The following BFSP1 variants were observed in gnomAD, a reference collection of about 807,000 sequenced individuals.
The protein encoded by BFSP1 is filensin.
BFSP1 carries 38 observed loss-of-function variants against 43.9 expected under a neutral mutation model. The ratio of observed to expected loss-of-function variants is 0.87; its 90% CI spans 0.67 to 1.14. BFSP1 has a LOEUF of 1.14. Among genes scored for constraint, BFSP1 ranks in the 50% most tolerant of loss-of-function variants. BFSP1 has a pLI of 0.00. For missense variants in BFSP1, 850 were observed against 875.1 expected (o/e 0.97, Z 0.36); for synonymous variants, 352 against 354.8 (o/e 0.99, Z 0.09).
intron 7 of BFSP1, among the ~76,000 whole-genome samples, chr20:17,495,638 G>A (rs1459486685): frequency 6.6e-6 from 1 of 152,152 alleles, no homozygotes; most frequent in Non-Finnish European, 1.5e-5. Context: ...GAGAAGAAGC[G>A]ATGCTATGAA....
At position 17,493,955 on chromosome 20, in the gene BFSP1, G is replaced by A; in HGVS notation, c.*119C>T. Reference sequence around the variant, plus strand: ...AAGGCTTCGTTGGCAATGCCAGATGGGTCAACTATGGTCTAATCCAAACAG... The same window carrying A: ...AAGGCTTCGTTGGCAATGCCAGATGAGTCAACTATGGTCTAATCCAAACAG... On this transcript the variant is annotated 3_prime_UTR_variant, in exon 8 of 8. Transcript: ENST00000377873. 1 of 953,992 alleles carries A rather than the reference G, an allele frequency of 1.0e-6. No homozygotes were observed. Among genetic ancestry groups the A allele is most frequent in the Non-Finnish European group, 1.6e-6 (1 of 640,394 alleles). 59.1% of individuals were successfully genotyped at this position (953,992 alleles called of 1,614,324 possible).
intron 1 of BFSP1, among the ~76,000 whole-genome samples, chr20:17,555,071 G>A (rs1277120426): frequency 6.6e-6 from 1 of 151,896 alleles, no homozygotes; most frequent in Non-Finnish European, 1.5e-5. Flanking sequence ...GGCCGAGGTG[G>A]GAGAATCACA....
upstream of BFSP1, among the ~76,000 whole-genome samples, chr20:17,559,334 C>T (rs376467280): frequency 2.0e-5 from 3 of 152,178 alleles, no homozygotes; most frequent in East Asian, 1.9e-4. Context: ...TAAGAGACTG[C>T]GTTAGTATTA....
chr20:17,515,320 A>G (rs1471404240), intron 2 of BFSP1, among the ~76,000 whole-genome samples: 1 of 152,202 alleles, frequency 6.6e-6, no homozygotes, highest in Admixed American at 6.5e-5. Flanking sequence ...TATTTGTTCT[A>G]TATCTCATCA....
chr20:17,553,862 C>CATATATATATACATATATATACACAT (rs376937575), intron 1 of BFSP1, among the ~76,000 whole-genome samples: 6 of 92,756 alleles, frequency 6.5e-5, no homozygotes, highest in Admixed American at 1.1e-4. Context: ...TATATATACA[C>CATATATATATACATATATATACACAT]ATATATATAC....
chr20:17,522,721 C>T (rs2123512533), intron 2 of BFSP1, among the ~76,000 whole-genome samples: 1 of 152,336 alleles, frequency 6.6e-6, no homozygotes, highest in African/African-American at 2.4e-5. Context: ...AGGGATTCAG[C>T]ACCACCAGGT....
At chr20:17,566,375 G>C (rs1409436864) in intron 1 of BFSP1, among the ~76,000 whole-genome samples, 1 of 152,192 alleles carries the variant, frequency 6.6e-6, no homozygotes, top group African/African-American at 2.4e-5. Context: ...TATGTTCACA[G>C]ATTAAGTATG....
chr20:17,527,521 A>C (rs554269068), intron 1 of BFSP1, among the ~76,000 whole-genome samples: 1 of 152,242 alleles, frequency 6.6e-6, no homozygotes, highest in South Asian at 2.1e-4. Context: ...AGGTCAGGAG[A>C]TCGAGACCAT....
upstream of BFSP1, among the ~76,000 whole-genome samples, chr20:17,531,728 C>T (rs1266041220): frequency 6.6e-6 from 1 of 152,178 alleles, no homozygotes; most frequent in Non-Finnish European, 1.5e-5. Context: ...CTCAAGAGCC[C>T]AGGGCTTGTC....
chr20:17,511,968 A>G lies in BFSP1; in HGVS notation c.627+8T>C, dbSNP rs1309472088. ...GGCTGGTTTGCCTTTTCCTGCTTCAATTCTTACCTCCCTCATCCCACTCGT... is the reference window on the plus strand; with the variant it reads ...GGCTGGTTTGCCTTTTCCTGCTTCAGTTCTTACCTCCCTCATCCCACTCGT... On this transcript the variant is annotated splice_region_variant and intron_variant, in intron 4 of 7. Coordinates refer to ENST00000377873, the MANE Select transcript of BFSP1 (RefSeq NM_001195.5). 1.9e-6 allele frequency: 3 copies of G among 1,594,484 alleles called. No homozygotes were observed. The highest frequency in any genetic ancestry group is 1.1e-5 in the South Asian group (1 of 90,574).
At chr20:17,517,782 A>G (rs2034233858) in intron 2 of BFSP1, among the ~76,000 whole-genome samples, 1 of 152,180 alleles carries the variant, frequency 6.6e-6, no homozygotes, top group Non-Finnish European at 1.5e-5. Flanking sequence ...TTTTACACTC[A>G]TAACACATCT....
Position 17,531,132 on chromosome 20 carries a change from G to A in BFSP1, c.198C>T (p.Ala66=). Residue 66 remains alanine, a synonymous_variant, in exon 1 of 8, where the codon GCC becomes GCT. Transcript: ENST00000377873. ...QRARALEQRH[A]GLRRQLDAFQ... ...AGGCATCCAGCTGCCTCCGGAGCCC[G>A]GCATGGCGCTGCTCGAGGGCGCGGG... The A allele has an allele frequency of 2.3e-6, 3 of 1,329,582 alleles. No individual in the cohort carries two copies. The highest frequency in any genetic ancestry group is 2.9e-6 in the Non-Finnish European group (3 of 1,043,134). 82.4% of individuals were successfully genotyped at this position (1,329,582 alleles called of 1,614,324 possible). A position where few individuals can be genotyped will look rare whatever the true frequency, so the allele number is the denominator to read the frequency against.
chr20:17,497,459 T>TATACACACACACAC (rs1555800560), intron 6 of BFSP1, among the ~76,000 whole-genome samples: 3 of 144,952 alleles, frequency 2.1e-5, no homozygotes, highest in African/African-American at 7.7e-5. Flanking sequence ...TATATATATA[T>TATACACACACACAC]ACACACACAC....
At position 17,520,297 on chromosome 20, in the gene BFSP1, T is replaced by A. The variant is rs536019678; in HGVS notation, c.438+4551A>T. Among the ~76,000 whole-genome samples, 53 of 142,828 alleles carry A rather than the reference T, an allele frequency of 3.7e-4. 1 individual carries two copies. The South Asian group carries it at 0.011, about 29-fold the overall frequency. 93.7% of individuals were successfully genotyped at this position (142,828 alleles called of 152,430 possible). A position where few individuals can be genotyped will look rare whatever the true frequency, so the allele number is the denominator to read the frequency against. ...CACTAATCTAGACTATTTACAGCCA[T>A]GTTTTTAGAAAGGAGCTGGAGAAAT... is the stretch of plus-strand genomic sequence containing the variant. On this transcript the variant is annotated intron_variant, in intron 2 of 7. Coordinates refer to ENST00000377873, the MANE Select transcript of BFSP1 (RefSeq NM_001195.5).
intron 2 of BFSP1, among the ~76,000 whole-genome samples, chr20:17,522,849 G>C (rs1036332767): frequency 3.9e-5 from 6 of 152,162 alleles, no homozygotes; most frequent in African/African-American, 1.4e-4. Flanking sequence ...AGGCTCAGAG[G>C]GACAAGGCAA....
At chr20:17,530,927 G>C (rs1227364056) in intron 1 of BFSP1, 26 bp downstream of exon 1, 1 of 1,388,902 alleles carries the variant, frequency 7.2e-7, no homozygotes, top group Non-Finnish European at 9.3e-7. Flanking sequence ...GCCCTGCCTC[G>C]GTTTCCCCCG....
At chr20:17,535,397 G>A (rs1435659343), upstream of BFSP1, among the ~76,000 whole-genome samples, 1 of 152,134 alleles carries the variant, frequency 6.6e-6, no homozygotes, top group Non-Finnish European at 1.5e-5. Flanking sequence ...AAGGCATGGT[G>A]CTACACACCT....
intron 5 of BFSP1, among the ~76,000 whole-genome samples, chr20:17,500,404 A>G (rs1160848583): frequency 6.6e-6 from 1 of 152,224 alleles, no homozygotes; most frequent in African/African-American, 2.4e-5. Context: ...AGTACAATGG[A>G]GCTGGACAAT....
chr20:17,561,502 G>GA (rs561590149), upstream of BFSP1, among the ~76,000 whole-genome samples: 97 of 126,028 alleles, frequency 7.7e-4, no homozygotes, highest in African/African-American at 8.6e-4. Flanking sequence ...CCGCCTCAAA[G>GA]AAAAAAAAAA....
Sources: allele counts gnomAD v4.1 joint callset (sites outside exome capture counted in the v4.1 genomes callset), GRCh38; gene constraint gnomAD v4.1.1; transcripts MANE v1.5; gene names NCBI Gene and HGNC (gene_info 2026-07-23, HGNC 2026-07-21).